The following SCHIP1 variants were observed in gnomAD, a reference collection of about 807,000 sequenced individuals.
SCHIP1 encodes schwannomin-interacting protein 1.
A neutral mutation model predicts 29.7 loss-of-function variants in SCHIP1; 8 were observed. That is an observed-to-expected ratio of 0.27 (90% CI 0.16 to 0.49). The LOEUF (loss-of-function observed/expected upper bound fraction) is 0.49. Ranked by LOEUF, SCHIP1 falls within the 20% of genes least tolerant of loss-of-function variation. The pLI is 0.99. For synonymous variants in SCHIP1, 76 were observed against 94.9 expected, an observed-to-expected ratio of 0.80 and a Z score of 1.16; for missense variants, 193 against 294.6, an observed-to-expected ratio of 0.66 and a Z score of 2.52.
At chr3:159,756,838 G>T in the SCHIP1 span, among the ~76,000 whole-genome samples, 2 of 152,144 alleles carry the variant, frequency 1.3e-5, no homozygotes, top group East Asian at 3.9e-4. Context: ...TCTAGGGCAG[G>T]GGCAAAATGC....
chr3:159,292,903 T>G, the SCHIP1 span, among the ~76,000 whole-genome samples: 1 of 152,178 alleles, frequency 6.6e-6, no homozygotes, highest in African/African-American at 2.4e-5. Flanking sequence ...GCACTAGTCT[T>G]TCTTGGGCTG....
chr3:159,374,161 A>C, the SCHIP1 span, among the ~76,000 whole-genome samples: 1 of 152,178 alleles, frequency 6.6e-6, no homozygotes, highest in South Asian at 2.1e-4. Flanking sequence ...ATAATGGAGG[A>C]GGAATGAACA....
chr3:159,543,648 C>T, the SCHIP1 span, among the ~76,000 whole-genome samples: 64 of 151,644 alleles, frequency 4.2e-4, no homozygotes, highest in Admixed American at 1.8e-3. Context: ...TCCAAGTCTT[C>T]GCTATTGTGA....
chr3:159,584,969 A>G, the SCHIP1 span, among the ~76,000 whole-genome samples: 1 of 151,950 alleles, frequency 6.6e-6, no homozygotes, highest in Non-Finnish European at 1.5e-5. Context: ...CTTCCCTCAG[A>G]TATGTGTGCA....
intron 1 of SCHIP1, among the ~76,000 whole-genome samples, chr3:159,847,499 C>A (rs1711996282): frequency 6.6e-6 from 1 of 152,142 alleles, no homozygotes; most frequent in Non-Finnish European, 1.5e-5. Context: ...AAGAAAACAA[C>A]CATCAGAGAG....
chr3:159,447,797 C>A, the SCHIP1 span, among the ~76,000 whole-genome samples: 1 of 152,230 alleles, frequency 6.6e-6, no homozygotes, highest in African/African-American at 2.4e-5. Flanking sequence ...TATAAATGTG[C>A]AGTTTCCCAG....
the SCHIP1 span, among the ~76,000 whole-genome samples, chr3:159,535,689 C>A: frequency 6.6e-6 from 1 of 152,182 alleles, no homozygotes; most frequent in Non-Finnish European, 1.5e-5. Context: ...TCATCATAAC[C>A]ACTGTCATTA....
At chr3:159,335,161 A>C in the SCHIP1 span, among the ~76,000 whole-genome samples, 3 of 151,842 alleles carry the variant, frequency 2.0e-5, no homozygotes, top group Non-Finnish European at 4.4e-5. Context: ...TGGCCTCCCA[A>C]ATGTTTTCAT....
At chr3:159,432,323 TGTGTGTGTGTGTGTGTGAGAGAGAGA>T in the SCHIP1 span, among the ~76,000 whole-genome samples, 6 of 103,806 alleles carry the variant, frequency 5.8e-5, no homozygotes, top group South Asian at 2.7e-4. Flanking sequence ...TGTGTGTGTG[TGTGTGTGTGTGTGTGTGAGAGAGAGA>T]GAGAGAGAGA....
the SCHIP1 span, among the ~76,000 whole-genome samples, chr3:159,489,415 G>C: frequency 2.0e-5 from 3 of 152,168 alleles, no homozygotes; most frequent in Admixed American, 6.5e-5. Flanking sequence ...AATTTGTCTA[G>C]TAATGCTTGT....
At chr3:159,380,448 C>T in the SCHIP1 span, among the ~76,000 whole-genome samples, 1 of 152,104 alleles carries the variant, frequency 6.6e-6, no homozygotes, top group African/African-American at 2.4e-5. Context: ...ATGACATGGT[C>T]AGATAGAACT....
chr3:159,617,199 T>C, the SCHIP1 span, among the ~76,000 whole-genome samples: 2 of 152,192 alleles, frequency 1.3e-5, no homozygotes, highest in Non-Finnish European at 2.9e-5. Flanking sequence ...CATTAACAAC[T>C]ACCTGTTGAG....
At chr3:159,869,629 T>C (rs1715025665) in intron 2 of SCHIP1, among the ~76,000 whole-genome samples, 2 of 151,962 alleles carry the variant, frequency 1.3e-5, no homozygotes, top group African/African-American at 4.8e-5. Context: ...AGTCCTGATA[T>C]CTGGACAGGA....
chr3:159,678,167 A>G, the SCHIP1 span, among the ~76,000 whole-genome samples: 1 of 152,204 alleles, frequency 6.6e-6, no homozygotes, highest in African/African-American at 2.4e-5. Context: ...TTTTTGTGCT[A>G]TTCGCAAGCA....
At chr3:159,675,041 C>T in the SCHIP1 span, among the ~76,000 whole-genome samples, 8 of 152,138 alleles carry the variant, frequency 5.3e-5, no homozygotes, top group East Asian at 3.8e-4. Context: ...TTTGTGCTCT[C>T]GGTTTTCTGT....
the SCHIP1 span, among the ~76,000 whole-genome samples, chr3:159,591,588 A>G: frequency 6.6e-6 from 1 of 152,248 alleles, no homozygotes; most frequent in Non-Finnish European, 1.5e-5. Flanking sequence ...CTATGCAGCC[A>G]TAAAAAAGAA....
chr3:159,355,471 C>G, the SCHIP1 span, among the ~76,000 whole-genome samples: 1 of 152,066 alleles, frequency 6.6e-6, no homozygotes, highest in Non-Finnish European at 1.5e-5. Flanking sequence ...ATATTTGGTG[C>G]ACAAGGTGAC....
chr3:159,289,775 C>T, the SCHIP1 span, among the ~76,000 whole-genome samples: 13 of 152,154 alleles, frequency 8.5e-5, no homozygotes, highest in African/African-American at 3.1e-4. Flanking sequence ...TCAGAGAATC[C>T]ACCAGATGCT....
chr3:159,735,190 A>G, the SCHIP1 span, among the ~76,000 whole-genome samples: 418 of 152,184 alleles, frequency 2.7e-3, 18 homozygotes, highest in East Asian at 0.068. Flanking sequence ...TGGTTCTCAT[A>G]AGGCACCTCT....
Sources: allele counts gnomAD v4.1 joint callset (sites outside exome capture counted in the v4.1 genomes callset), GRCh38; gene constraint gnomAD v4.1.1; transcripts MANE v1.5; gene names NCBI Gene and HGNC (gene_info 2026-07-23, HGNC 2026-07-21).